ZNF438: variants seen among roughly 807,000 people sequenced by gnomAD.
ZNF438 encodes zinc finger protein 438.
A neutral mutation model predicts 38.0 loss-of-function variants in ZNF438; 25 were observed. The ratio of observed to expected loss-of-function variants is 0.66; its 90% CI spans 0.48 to 0.92. The LOEUF (loss-of-function observed/expected upper bound fraction) is 0.92, where lower values mean the gene tolerates loss of function less well. Among genes scored for constraint, ZNF438 ranks in the 40% least tolerant of loss-of-function variants. ZNF438 has a pLI of 0.00. For missense variants in ZNF438, 1,007 were observed against 999.6 expected, an observed-to-expected ratio of 1.01 and a Z score of -0.10; for synonymous variants, 372 against 364.1, an observed-to-expected ratio of 1.02 and a Z score of -0.25.
intron 3 of ZNF438, among the ~76,000 whole-genome samples, chr10:30,888,233 A>G (rs2040206992): frequency 6.6e-6 from 1 of 152,008 alleles, no homozygotes; most frequent in Admixed American, 6.6e-5. Context: ...GTTGTACTAT[A>G]TTTCATTTAT....
At chr10:30,963,392 CAAAAAAAAA>C (rs753557823) in intron 1 of ZNF438, among the ~76,000 whole-genome samples, 3 of 86,056 alleles carry the variant, frequency 3.5e-5, no homozygotes, top group South Asian at 7.9e-4. Context: ...AACTCCATCT[CAAAAAAAAA>C]AAAAAAAAAA....
intron 1 of ZNF438, among the ~76,000 whole-genome samples, chr10:31,028,241 C>G (rs181755068): frequency 6.6e-5 from 10 of 152,212 alleles, no homozygotes; most frequent in African/African-American, 2.4e-4. Context: ...CCGGTGGAAA[C>G]CTGCCTGAAT....
intron 3 of ZNF438, among the ~76,000 whole-genome samples, chr10:30,895,013 T>G (rs1471618762): frequency 6.6e-6 from 1 of 152,260 alleles, no homozygotes; most frequent in Non-Finnish European, 1.5e-5. Context: ...CGTCTCTGTT[T>G]AGAGGTGTTA....
chr10:30,989,721 T>C (rs558100006), intron 1 of ZNF438, among the ~76,000 whole-genome samples: 2 of 152,346 alleles, frequency 1.3e-5, no homozygotes, highest in African/African-American at 2.4e-5. Context: ...GTGTGCACTA[T>C]AGGATGAAAA....
chr10:30,937,885 T>C (rs1033532447), intron 2 of ZNF438, among the ~76,000 whole-genome samples: 5 of 152,174 alleles, frequency 3.3e-5, no homozygotes, highest in African/African-American at 1.2e-4. Context: ...GTCTTCCCAG[T>C]GCTTGAGGGA....
chr10:30,844,928 G>A (rs763239134), exon 6 of ZNF438: 4 of 1,594,764 alleles, frequency 2.5e-6, no homozygotes, highest in Admixed American at 1.7e-5. Context: ...TGGCGGCAGA[G>A]CTCTCTCCTT....
At chr10:31,025,315 G>C (rs2056871556) in intron 1 of ZNF438, among the ~76,000 whole-genome samples, 1 of 152,200 alleles carries the variant, frequency 6.6e-6, no homozygotes, top group South Asian at 2.1e-4. Flanking sequence ...GGGACATTCA[G>C]TGACATGCTA....
intron 1 of ZNF438, among the ~76,000 whole-genome samples, chr10:30,973,936 C>CT (rs2051031514): frequency 6.6e-6 from 1 of 152,218 alleles, no homozygotes; most frequent in African/African-American, 2.4e-5. Context: ...AGATAGCCAG[C>CT]TAGGGCAGCA....
At chr10:30,985,294 T>C (rs933822391) in intron 1 of ZNF438, among the ~76,000 whole-genome samples, 14 of 152,320 alleles carry the variant, frequency 9.2e-5, no homozygotes, top group African/African-American at 3.4e-4. Flanking sequence ...GACACGGATT[T>C]AATGAAAGCA....
At chr10:30,891,182 T>C (rs113426873) in intron 3 of ZNF438, among the ~76,000 whole-genome samples, 2,566 of 152,314 alleles carry the variant, frequency 0.017, 63 homozygotes, top group African/African-American at 0.059. Context: ...GATATTTTCT[T>C]CAATTATTTT....
At chr10:30,877,139 A>G in intron 3 of ZNF438, 74 bp from the exon 5 acceptor site, 1 of 790,008 alleles carries the variant, frequency 1.3e-6, no homozygotes. Context: ...AAATATAGAA[A>G]TTCTAAGCTG....
Position 30,960,772 on chromosome 10 carries a change from A to G in ZNF438, c.-191-19121T>C. ...TGTACTAAGTGTACTTAGTAATACC[A>G]CCTTAAATCCTTTCTTAGACAAGAT... On this transcript the variant is annotated intron_variant, in intron 1 of 5. Coordinates refer to ENST00000413025, the Ensembl canonical transcript of ZNF438. 1.4e-5 allele frequency among the ~76,000 whole-genome samples: 2 copies of G among 145,294 alleles called. 1 individual carries two copies. The highest frequency in any genetic ancestry group is 3.1e-5 in the Non-Finnish European group (2 of 63,676).
chr10:30,956,749 T>G (rs2048907346), intron 1 of ZNF438, among the ~76,000 whole-genome samples: 1 of 152,242 alleles, frequency 6.6e-6, no homozygotes, highest in African/African-American at 2.4e-5. Context: ...AGTATTCCAT[T>G]GTGTATATAT....
At chr10:30,948,625 C>T (rs1402469597) in intron 1 of ZNF438, among the ~76,000 whole-genome samples, 1 of 149,950 alleles carries the variant, frequency 6.7e-6, no homozygotes, top group Non-Finnish European at 1.5e-5. Flanking sequence ...GGAGCCGATG[C>T]GATCAACTGG....
Position 31,003,073 on chromosome 10 carries a change from C to T in ZNF438, c.-192+28760G>A, listed in dbSNP as rs143270093. 1.6e-3 allele frequency among the ~76,000 whole-genome samples: 244 copies of T among 152,188 alleles called. 2 individuals are homozygous for T. The highest frequency in any genetic ancestry group is 5.1e-3 in the African/African-American group (210 of 41,504). On this transcript the variant is annotated intron_variant, in intron 1 of 5. Coordinates refer to ENST00000413025, the Ensembl canonical transcript of ZNF438. ...TATACAGGTGAACACGTCTGACTCC[C>T]ATGGGGAGTCTGGAAATGTGGGGAG...
At chr10:30,947,299 C>T (rs1017804013) in intron 1 of ZNF438, among the ~76,000 whole-genome samples, 1 of 152,168 alleles carries the variant, frequency 6.6e-6, no homozygotes, top group Non-Finnish European at 1.5e-5. Flanking sequence ...TTGTGAGGTA[C>T]AATAAAATGG....
chr10:30,918,857 C>T (rs1292735059), intron 2 of ZNF438, among the ~76,000 whole-genome samples: 1 of 152,138 alleles, frequency 6.6e-6, no homozygotes, highest in Non-Finnish European at 1.5e-5. Context: ...TCTGCAGTTG[C>T]ATCGATCTTT....
At chr10:30,864,365 C>T (rs370928973) in intron 4 of ZNF438, among the ~76,000 whole-genome samples, 117 of 152,320 alleles carry the variant, frequency 7.7e-4, no homozygotes, top group African/African-American at 2.5e-3. Context: ...GGGGATACTG[C>T]ACCATTGGTG....
At chr10:30,860,194 C>T (rs2035345435) in intron 4 of ZNF438, among the ~76,000 whole-genome samples, 1 of 152,196 alleles carries the variant, frequency 6.6e-6, no homozygotes, top group Non-Finnish European at 1.5e-5. Context: ...GAGGGTCCTG[C>T]CTCATACCCA....
Sources: gnomAD v4.1 joint callset for allele counts (sites outside exome capture counted in the v4.1 genomes callset) on GRCh38, gnomAD v4.1.1 for gene constraint, MANE v1.5 for transcripts, NCBI Gene and HGNC (gene_info 2026-07-23, HGNC 2026-07-21) for gene names.